MTHFD1L: variants seen among roughly 807,000 people sequenced by gnomAD.
MTHFD1L encodes the protein monofunctional C1-tetrahydrofolate synthase, mitochondrial.
A neutral mutation model predicts 119.5 loss-of-function variants in MTHFD1L; 81 were observed. The observed-to-expected ratio is 0.68, with a 90% CI of 0.57 to 0.82. The LOEUF is 0.82. Among genes scored for constraint, MTHFD1L ranks in the 40% least tolerant of loss-of-function variants. The probability of loss-of-function intolerance (pLI) is 0.00; values close to 1 mark genes in which losing one functional copy is unlikely to be tolerated. For synonymous variants in MTHFD1L, 430 were observed against 475.2 expected, an observed-to-expected ratio of 0.90 and a Z score of 1.24; for missense variants, 1,125 against 1,253.4, an observed-to-expected ratio of 0.90 and a Z score of 1.55.
rs150642749 is a variant in MTHFD1L at position 150,998,646 on chromosome 6, G to A, written c.2126-11173G>A. 3.2e-4 allele frequency among the ~76,000 whole-genome samples: 48 copies of A among 149,276 alleles called. No homozygotes were observed. In the East Asian group the frequency reaches 8.4e-3, roughly 26 times the overall value. ...TCGTGTGGCGGGTTGCAGTCAGCAT[G>A]CAGTTAAATCTTTCATATATGCACA... On this transcript the variant is annotated intron_variant, in intron 20 of 27. Coordinates refer to ENST00000367321, the MANE Select transcript of MTHFD1L (RefSeq NM_015440.5).
intron 26 of MTHFD1L, among the ~76,000 whole-genome samples, chr6:151,058,244 G>A (rs777801872): frequency 9.9e-5 from 15 of 152,228 alleles, no homozygotes; most frequent in African/African-American, 3.6e-4. Context: ...AGATAAGAAA[G>A]AGGAGTATCT....
At chr6:151,084,752 T>C (rs1037669087) in intron 26 of MTHFD1L, among the ~76,000 whole-genome samples, 2 of 150,768 alleles carry the variant, frequency 1.3e-5, no homozygotes, top group Non-Finnish European at 3.0e-5. Flanking sequence ...GATCACGAGG[T>C]CAGGAGATCG....
At chr6:151,032,213 A>C (rs1736481427) in intron 24 of MTHFD1L, among the ~76,000 whole-genome samples, 1 of 152,188 alleles carries the variant, frequency 6.6e-6, no homozygotes, top group South Asian at 2.1e-4. Context: ...TGGTTAATGG[A>C]TAAAGAAAAG....
chr6:151,100,033 T>TA, intron 27 of MTHFD1L: 11 of 650,218 alleles, frequency 1.7e-5, no homozygotes, highest in Admixed American at 2.9e-5. Context: ...TTCTTTCTTT[T>TA]CTTTTTTTTT....
At chr6:150,888,137 GACAA>G (rs1163939961) in intron 7 of MTHFD1L, among the ~76,000 whole-genome samples, 156 bp downstream of exon 7, 8 of 152,184 alleles carry the variant, frequency 5.3e-5, no homozygotes, top group Non-Finnish European at 8.8e-5. Context: ...CTACTCACCA[GACAA>G]ACAAACAAGA....
intron 9 of MTHFD1L, among the ~76,000 whole-genome samples, chr6:150,921,008 A>G (rs1788824081): frequency 7.9e-6 from 1 of 126,140 alleles, no homozygotes; most frequent in Non-Finnish European, 1.6e-5. Context: ...CTAGAGTGTA[A>G]TGTCGCAAAC....
intron 26 of MTHFD1L, among the ~76,000 whole-genome samples, chr6:151,065,519 C>T (rs1036405625): frequency 2.0e-5 from 3 of 152,262 alleles, no homozygotes; most frequent in Non-Finnish European, 4.4e-5. Flanking sequence ...TTAGCCACAG[C>T]TGGATCCAGC....
chr6:150,960,344 A>G lies in MTHFD1L; in HGVS notation c.1873A>G (p.Met625Val), dbSNP rs1284010100. ...GGCCCTGACGGACAGCCTCGCAGAC[A>G]TGAAGGCACGGCTGGGAAGGATGGT... The part of the protein sequence containing the change: ...VLALTDSLAD[M>V]KARLGRMVVA... Residue 625 changes from methionine to valine, a missense_variant, in exon 18 of 28, where the codon ATG becomes GTG. By Grantham distance (21) the Met-to-Val change is conservative. Coordinates refer to ENST00000367321, the MANE Select transcript of MTHFD1L (RefSeq NM_015440.5). The G allele has an allele frequency of 1.9e-6, 3 of 1,614,116 alleles. No homozygotes were observed. The highest frequency in any genetic ancestry group is 2.5e-6 in the Non-Finnish European group (3 of 1,179,982).
intron 13 of MTHFD1L, among the ~76,000 whole-genome samples, chr6:150,944,191 T>A (rs1032461163): frequency 3.0e-4 from 46 of 152,214 alleles, no homozygotes; most frequent in African/African-American, 1.0e-3. Flanking sequence ...ATTCCATAGT[T>A]GTTTAAAACA....
intron 8 of MTHFD1L, 125 bp from the exon 9 acceptor site, chr6:150,918,452 C>T: frequency 1.4e-6 from 1 of 727,284 alleles, no homozygotes; most frequent in African/African-American, 1.8e-5. Flanking sequence ...CAGCCGTGCC[C>T]CGACATCCTA....
intron 1 of MTHFD1L, among the ~76,000 whole-genome samples, chr6:150,873,189 C>T (rs1210525681): frequency 6.6e-6 from 1 of 151,982 alleles, no homozygotes; most frequent in Non-Finnish European, 1.5e-5. Flanking sequence ...GTGGCATGCA[C>T]CAGTAGTCCC....
At chr6:151,056,757 T>C (rs556088889) in intron 26 of MTHFD1L, among the ~76,000 whole-genome samples, 74 of 152,282 alleles carry the variant, frequency 4.9e-4, no homozygotes, top group African/African-American at 1.7e-3. Context: ...AAGCAGGACT[T>C]CTACTGTAGA....
intron 1 of MTHFD1L, among the ~76,000 whole-genome samples, chr6:150,875,500 C>G (rs1454609765): frequency 6.6e-6 from 1 of 152,048 alleles, no homozygotes; most frequent in Non-Finnish European, 1.5e-5. Context: ...GTCTCTCTCT[C>G]TAGGAGGCTT....
intron 24 of MTHFD1L, among the ~76,000 whole-genome samples, chr6:151,025,774 G>A (rs1161626477): frequency 1.3e-5 from 2 of 152,172 alleles, no homozygotes; most frequent in African/African-American, 2.4e-5. Context: ...TTGGTGCAGG[G>A]CTGAAGAAAT....
intron 7 of MTHFD1L, among the ~76,000 whole-genome samples, chr6:150,905,057 T>TTTG (rs1785670671): frequency 6.9e-6 from 1 of 144,440 alleles, no homozygotes; most frequent in Non-Finnish European, 1.5e-5. Context: ...TTTTTTTTTT[T>TTTG]GAGACAGGGT....
At chr6:151,038,535 G>A (rs970887009) in intron 26 of MTHFD1L, among the ~76,000 whole-genome samples, 4 of 152,072 alleles carry the variant, frequency 2.6e-5, no homozygotes, top group Admixed American at 2.0e-4. Context: ...GGGGAGCCAC[G>A]GTAGGGTGGG....
At chr6:150,970,206 T>C (rs1797831364) in intron 19 of MTHFD1L, among the ~76,000 whole-genome samples, 1 of 152,208 alleles carries the variant, frequency 6.6e-6, no homozygotes, top group African/African-American at 2.4e-5. Flanking sequence ...GGTTTAAGAA[T>C]ATTGATTGAT....
At position 150,936,871 on chromosome 6, in the gene MTHFD1L, G is replaced by C. The variant is rs769162434; in HGVS notation, c.1324G>C (p.Ala442Pro). The C allele has an allele frequency of 6.2e-7, 1 of 1,613,926 alleles. No individual in the cohort carries two copies. Among genetic ancestry groups the C allele is most frequent in the African/African-American group, 1.3e-5 (1 of 74,910 alleles). ...VTIGLVQALT[A>P]HLNVNSFACL... ...CATCGGGCTTGTGCAGGCTCTGACC[G>C]CACACCTGAATGTCAACTCCTTTGC... The change falls in exon 12 of 28, where the codon GCA becomes CCA. Residue 442 changes from alanine (A) to proline (P), a missense_variant. Ala to Pro is a conservative substitution (Grantham distance 27, BLOSUM62 -1). Transcript: ENST00000367321.
In MTHFD1L at chr6:150,920,939, A is replaced by ATTTTTT. The variant is rs869169480; in HGVS notation, c.985-1242_985-1237dup. 8.3e-5 allele frequency among the ~76,000 whole-genome samples: 8 copies of ATTTTTT among 96,872 alleles called. 3 individuals are homozygous for ATTTTTT. Among genetic ancestry groups the ATTTTTT allele is most frequent in the African/African-American group, 8.1e-5 (2 of 24,678 alleles). The allele number at this position is 96,872 out of a possible 152,430, so 63.6% of individuals were successfully genotyped here. A position where few individuals can be genotyped will look rare whatever the true frequency, so the allele number is the denominator to read the frequency against. On this transcript the variant is annotated intron_variant, in intron 9 of 27. Transcript: ENST00000367321. ...AGGCACATGCCACCACACCCAGATA[A>ATTTTTT]TTTTTTTTTTTTTTTTTTTTTTTTT...
Sources: gnomAD v4.1 joint callset for allele counts (sites outside exome capture counted in the v4.1 genomes callset) on GRCh38, gnomAD v4.1.1 for gene constraint, MANE v1.5 for transcripts, NCBI Gene and HGNC (gene_info 2026-07-23, HGNC 2026-07-21) for gene names.